CLASP2: variants seen among roughly 807,000 people sequenced by gnomAD.
The protein encoded by CLASP2 is cytoplasmic linker associated protein 2, also known as CLIP-associating protein 2.
CLASP2 carries 47 observed loss-of-function variants against 194.4 expected under a neutral mutation model. That is an observed-to-expected ratio of 0.24 (90% CI 0.19 to 0.31). CLASP2 has a LOEUF of 0.31. Ranked by LOEUF, CLASP2 falls within the 10% of genes least tolerant of loss-of-function variation. The pLI is 1.00. For missense variants in CLASP2, 1,445 were observed against 1,823.6 expected (o/e 0.79, Z 3.78); for synonymous variants, 619 against 633.5 (o/e 0.98, Z 0.34).
chr3:33,640,186 T>C (rs960665946), intron 8 of CLASP2, among the ~76,000 whole-genome samples: 1 of 152,194 alleles, frequency 6.6e-6, no homozygotes, highest in Non-Finnish European at 1.5e-5. Context: ...AAATTTTGGA[T>C]TCCAGAATTA....
At chr3:33,692,176 T>TAATA (rs139754890) in intron 2 of CLASP2, among the ~76,000 whole-genome samples, 2,918 of 151,982 alleles carry the variant, frequency 0.019, 52 homozygotes, top group African/African-American at 0.045. Flanking sequence ...CTCAAAAAAA[T>TAATA]AATAAATAAA....
intron 18 of CLASP2, among the ~76,000 whole-genome samples, chr3:33,601,572 CAA>C (rs2072213251): frequency 6.6e-6 from 1 of 151,994 alleles, no homozygotes; most frequent in Non-Finnish European, 1.5e-5. Context: ...GATTTAAATT[CAA>C]GAGATTTTTT....
chr3:33,687,857 GA>G (rs1397070630), intron 4 of CLASP2, among the ~76,000 whole-genome samples: 1 of 152,180 alleles, frequency 6.6e-6, no homozygotes, highest in Non-Finnish European at 1.5e-5. Flanking sequence ...AGTTACCTGG[GA>G]AAGTTTTGCT....
intron 18 of CLASP2, among the ~76,000 whole-genome samples, chr3:33,600,462 G>C (rs1262761014): frequency 6.6e-6 from 1 of 152,144 alleles, no homozygotes; most frequent in Non-Finnish European, 1.5e-5. Flanking sequence ...TGCAGCTACT[G>C]AGATGATCAT....
rs2077249087 is a variant in CLASP2, at chr3:33,622,362, A to G, written c.1036-82T>C. Reference sequence around the variant, plus strand: ...CTACCTAAACTTCATTATTCAAACAAAAACTTTCTAATAAATGAAACATAT... The same window carrying G: ...CTACCTAAACTTCATTATTCAAACAGAAACTTTCTAATAAATGAAACATAT... On this transcript the variant is annotated intron_variant, in intron 10 of 38. Transcript: ENST00000682230. 4.8e-6 allele frequency: 5 copies of G among 1,046,816 alleles called. No homozygotes were observed. The Admixed American group carries it at 1.5e-4, about 31-fold the overall frequency. 64.8% of individuals were successfully genotyped at this position (1,046,816 alleles called of 1,614,324 possible).
At chr3:33,618,522 C>A (rs1431475054) in intron 12 of CLASP2, among the ~76,000 whole-genome samples, 1 of 132,552 alleles carries the variant, frequency 7.5e-6, no homozygotes, top group Non-Finnish European at 1.6e-5. Flanking sequence ...GTGGTGGGTG[C>A]CTGTAGTACC....
chr3:33,710,643 C>A (rs1213912307), intron 1 of CLASP2, among the ~76,000 whole-genome samples: 1 of 152,074 alleles, frequency 6.6e-6, no homozygotes, highest in African/African-American at 2.4e-5. Flanking sequence ...CTTTAAATTA[C>A]CGAGGAGTTG....
intron 6 of CLASP2, among the ~76,000 whole-genome samples, chr3:33,676,262 C>T (rs2088607371): frequency 6.7e-6 from 1 of 149,756 alleles, no homozygotes. Context: ...AGAACAGAGC[C>T]CTCAGAAATA....
chr3:33,533,704 G>C (rs1472083319), intron 34 of CLASP2, among the ~76,000 whole-genome samples: 1 of 152,012 alleles, frequency 6.6e-6, no homozygotes, highest in Non-Finnish European at 1.5e-5. Context: ...TCTCTTAAAA[G>C]TGAATTATCT....
Position 33,500,925 on chromosome 3 carries a change from T to C in CLASP2, c.4434+727A>G, listed in dbSNP as rs993967275. On this transcript the variant is annotated intron_variant, in intron 38 of 38. Transcript: ENST00000682230. Reference sequence around the variant, plus strand: ...AAACAATTATTATCATTTTTATTATTAGAGACACGGTCTTCTCAGTATGTT... The same window carrying C: ...AAACAATTATTATCATTTTTATTATCAGAGACACGGTCTTCTCAGTATGTT... Among the ~76,000 whole-genome samples, 4 of 152,146 alleles carry C rather than the reference T, an allele frequency of 2.6e-5. No individual in the cohort carries two copies. The East Asian group carries it at 7.7e-4, about 29-fold the overall frequency.
chr3:33,518,379 G>C (rs1207368945), intron 34 of CLASP2, among the ~76,000 whole-genome samples: 1 of 152,122 alleles, frequency 6.6e-6, no homozygotes, highest in Non-Finnish European at 1.5e-5. Context: ...CAAAATACCA[G>C]AGTTCCTCTT....
intron 6 of CLASP2, among the ~76,000 whole-genome samples, chr3:33,667,429 G>C (rs1022415777): frequency 1.3e-5 from 1 of 77,926 alleles, no homozygotes; most frequent in Admixed American, 1.4e-4. Flanking sequence ...AAAAAAAAAA[G>C]ACATTTGATT....
At chr3:33,695,071 T>C (rs1261641188) in intron 2 of CLASP2, among the ~76,000 whole-genome samples, 1 of 151,712 alleles carries the variant, frequency 6.6e-6, no homozygotes, top group Non-Finnish European at 1.5e-5. Flanking sequence ...TAGTTTTTTT[T>C]TTTTTTTTAA....
At chr3:33,500,222 A>G (rs141304732) in intron 38 of CLASP2, among the ~76,000 whole-genome samples, 1 of 151,920 alleles carries the variant, frequency 6.6e-6, no homozygotes, top group East Asian at 1.9e-4. Flanking sequence ...TTTTGTAGAG[A>G]CAGGGTGTTC....
At chr3:33,654,005 A>G (rs1485476037) in intron 7 of CLASP2, among the ~76,000 whole-genome samples, 1 of 151,668 alleles carries the variant, frequency 6.6e-6, no homozygotes, top group Admixed American at 6.6e-5. Flanking sequence ...CAAAAAAAGA[A>G]GGCACATTCC....
chr3:33,697,002 T>C lies in CLASP2; in HGVS notation c.196-69A>G, dbSNP rs577941250. ...ATACTTTAATATCAGTATTTAATTT[T>C]TGACATATAAAAGATCTTCATAAAT... On this transcript the variant is annotated intron_variant, in intron 1 of 38. Coordinates refer to ENST00000682230, the MANE Select transcript of CLASP2 (RefSeq NM_001365631.1). 6.7e-5 allele frequency: 57 copies of C among 853,344 alleles called. No individual in the cohort carries two copies. In the East Asian group the frequency reaches 1.1e-3, roughly 16 times the overall value. The allele number at this position is 853,344 out of a possible 1,614,324, so 52.9% of individuals were successfully genotyped here. A position where few individuals can be genotyped will look rare whatever the true frequency, so the allele number is the denominator to read the frequency against.
In CLASP2 at chr3:33,688,333, G is replaced by C; in HGVS notation, c.414C>G (p.His138Gln). 1 of 1,592,830 alleles carries C rather than the reference G, an allele frequency of 6.3e-7. No homozygotes were observed. Among genetic ancestry groups the C allele is most frequent in the South Asian group, 1.1e-5 (1 of 87,306 alleles). ...CGCCTTCTCGAGATCGAAAATTCTT[G>C]TGTTTAAAACCAGAAGCCAACTGCT... Reference protein sequence around the residue: ...IWEQLASGFKHKNFRSREGVC... With the variant: ...IWEQLASGFKQKNFRSREGVC... Residue 138 changes from histidine to glutamine, a missense_variant, in exon 4 of 39, where the codon CAC (histidine) becomes CAG (glutamine). By Grantham distance (24) the His-to-Gln change is conservative. Transcript: ENST00000682230.
At chr3:33,594,911 T>A in intron 20 of CLASP2, 40 bp downstream of exon 20, 1 of 1,151,246 alleles carries the variant, frequency 8.7e-7, no homozygotes, top group Non-Finnish European at 1.2e-6. Flanking sequence ...AATAGTAATG[T>A]AGATGTATTT....
intron 1 of CLASP2, among the ~76,000 whole-genome samples, chr3:33,713,133 G>A (rs924567769): frequency 5.9e-5 from 9 of 151,858 alleles, no homozygotes; most frequent in African/African-American, 2.2e-4. Context: ...TGTCTTCATG[G>A]GTAGTCAGTA....
Sources: allele counts gnomAD v4.1 joint callset (sites outside exome capture counted in the v4.1 genomes callset), GRCh38; gene constraint gnomAD v4.1.1; transcripts MANE v1.5; gene names NCBI Gene and HGNC (gene_info 2026-07-23, HGNC 2026-07-21).